BANP: variants seen among roughly 807,000 people sequenced by gnomAD.
BANP encodes BTG3 associated nuclear protein, also known as protein BANP.
In BANP, 11 loss-of-function variants were observed where a neutral mutation model predicts 68.1. The ratio of observed to expected loss-of-function variants is 0.16; its 90% CI spans 0.10 to 0.27. The LOEUF is 0.27. Ranked by LOEUF, BANP falls within the 10% of genes least tolerant of loss-of-function variation. BANP has a pLI of 1.00. For synonymous variants in BANP, 329 were observed against 303.2 expected, an observed-to-expected ratio of 1.09 and a Z score of -0.88; for missense variants, 504 against 722.7, an observed-to-expected ratio of 0.70 and a Z score of 3.47.
chr16:88,040,423 G>T (rs1410321851), intron 11 of BANP, among the ~76,000 whole-genome samples: 1 of 152,076 alleles, frequency 6.6e-6, no homozygotes, highest in Non-Finnish European at 1.5e-5. Context: ...GGGCTAAGAA[G>T]CCCCGAGCAG....
intron 4 of BANP, among the ~76,000 whole-genome samples, chr16:87,999,182 C>T (rs1178587947): frequency 1.2e-5 from 1 of 85,006 alleles, no homozygotes; most frequent in Non-Finnish European, 2.4e-5. Flanking sequence ...ATCTCCATGC[C>T]CGCACGTGCG....
intron 1 of BANP, among the ~76,000 whole-genome samples, chr16:87,961,412 C>CCCCG (rs1567585624): frequency 1.4e-5 from 2 of 142,948 alleles, no homozygotes; most frequent in Non-Finnish European, 3.2e-5. Context: ...AATCTGCACC[C>CCCCG]CCCCGGGCCT....
chr16:87,957,869 T>A lies in BANP; in HGVS notation c.-69+6354T>A, dbSNP rs1446113602. ...GCTCTGTGGGCGCTGGTGGCCAGGA[T>A]GCGGACAACCCCTGCCGCTACGTGT... On this transcript the variant is annotated intron_variant, in intron 1 of 13. Coordinates refer to ENST00000682872, the MANE Select transcript of BANP (RefSeq NM_001386991.1). The surrounding 1 kb of genome is among the most constrained non-coding windows in gnomAD (Gnocchi z 4.3). Among the ~76,000 whole-genome samples the A allele has an allele frequency of 6.6e-6, 1 of 151,794 alleles. No homozygotes were observed. Among genetic ancestry groups the A allele is most frequent in the Admixed American group, 6.6e-5 (1 of 15,222 alleles).
Position 88,072,982 on chromosome 16 carries a change from T to A in BANP, c.1521+770T>A, listed in dbSNP as rs560278025. On this transcript the variant is annotated intron_variant, in intron 13 of 13. Coordinates refer to ENST00000682872, the MANE Select transcript of BANP (RefSeq NM_001386991.1). ...TGTCTTTGGGTCTGTTCCGCTCCTT[T>A]CTGTGGACCCAGCGCTGGTGATCCA... 2.0e-5 allele frequency among the ~76,000 whole-genome samples: 3 copies of A among 152,358 alleles called. No individual in the cohort carries two copies. The East Asian group carries it at 5.8e-4, about 29-fold the overall frequency.
At position 88,018,280 on chromosome 16, in the gene BANP, C is replaced by T; in HGVS notation, c.656-148C>T. On this transcript the variant is annotated intron_variant, in intron 6 of 13. Coordinates refer to ENST00000682872, the MANE Select transcript of BANP (RefSeq NM_001386991.1). This position sits in a 1 kb window ranked among gnomAD's most constrained non-coding sequence, Gnocchi z 7.7. ...GGCAGCAGTCGGAGGCTCCAGCGCT[C>T]TTGGTGACTGCCTCACAAGTTACGA... is the stretch of plus-strand genomic sequence containing the variant. 2 of 1,029,664 alleles carry T rather than the reference C, an allele frequency of 1.9e-6. No homozygotes were observed. Among genetic ancestry groups the T allele is most frequent in the Non-Finnish European group, 2.8e-6 (2 of 708,868 alleles). 63.8% of individuals were successfully genotyped at this position (1,029,664 alleles called of 1,614,324 possible).
At chr16:88,033,441 T>C (rs938939165) in intron 9 of BANP, among the ~76,000 whole-genome samples, 196 bp downstream of exon 9, 8 of 152,142 alleles carry the variant, frequency 5.3e-5, no homozygotes, top group Non-Finnish European at 7.4e-5. Context: ...GGGCGGCTGC[T>C]GCAGAGCCTA....
intron 1 of BANP, among the ~76,000 whole-genome samples, chr16:87,966,335 A>G (rs1277296605): frequency 1.3e-5 from 2 of 152,170 alleles, no homozygotes; most frequent in African/African-American, 4.8e-5. Context: ...CGTCAGAGTA[A>G]GAGGCTTGCT....
At chr16:87,999,221 C>G (rs8046179) in intron 4 of BANP, among the ~76,000 whole-genome samples, 1 of 102,584 alleles carries the variant, frequency 9.7e-6, no homozygotes. Context: ...CTTCCAGACA[C>G]GTCTCCATGC....
rs558939706 is a variant in BANP, at chr16:88,022,319, G to A, written c.895+3652G>A. On this transcript the variant is annotated intron_variant, in intron 7 of 13. Transcript: ENST00000682872. ...TTTCTAAAGAATGCTGTCTAAGGCC[G>A]TGCCACCCTGAACACACCCGATCTC... Among the ~76,000 whole-genome samples the A allele has an allele frequency of 5.3e-5, 8 of 152,272 alleles. 1 individual carries two copies. The South Asian group carries it at 1.5e-3, about 28-fold the overall frequency.
chr16:87,957,232 G>A lies in BANP; in HGVS notation c.-69+5717G>A, dbSNP rs932360131. Among the ~76,000 whole-genome samples, 16 of 152,228 alleles carry A rather than the reference G, an allele frequency of 1.1e-4. No individual in the cohort carries two copies. Among genetic ancestry groups the A allele is most frequent in the African/African-American group, 3.9e-4 (16 of 41,452 alleles). On this transcript the variant is annotated intron_variant, in intron 1 of 13. Coordinates refer to ENST00000682872, the MANE Select transcript of BANP (RefSeq NM_001386991.1). This position sits in a 1 kb window ranked among gnomAD's most constrained non-coding sequence, Gnocchi z 4.3. ...GTCAGTGGTGGTGGAGGATGGCGCG[G>A]TGCTCCATTCGGAACCCACAGGTCG...
chr16:88,067,509 C>T (rs1288926086), intron 12 of BANP, among the ~76,000 whole-genome samples: 2 of 152,146 alleles, frequency 1.3e-5, no homozygotes. Context: ...CCCCACCTCA[C>T]CTGCTGCACT....
intron 12 of BANP, among the ~76,000 whole-genome samples, chr16:88,069,434 C>T (rs922649323): frequency 2.0e-4 from 31 of 152,222 alleles, no homozygotes; most frequent in African/African-American, 7.2e-4. Flanking sequence ...ACGCCCGAGC[C>T]CTCCCCTCAC....
At chr16:88,070,758 G>A (rs964429698) in intron 12 of BANP, among the ~76,000 whole-genome samples, 1 of 152,066 alleles carries the variant, frequency 6.6e-6, no homozygotes, top group South Asian at 2.1e-4. Context: ...ATATTTTTTT[G>A]CATTTTTTTC....
chr16:88,051,687 C>T (rs2083301768), intron 11 of BANP, among the ~76,000 whole-genome samples: 1 of 152,194 alleles, frequency 6.6e-6, no homozygotes, highest in African/African-American at 2.4e-5. Context: ...ACCCACCTGA[C>T]ATAAAAATCC....
At chr16:87,953,268 A>G (rs2057350015) in intron 1 of BANP, among the ~76,000 whole-genome samples, 1 of 152,328 alleles carries the variant, frequency 6.6e-6, no homozygotes, top group Non-Finnish European at 1.5e-5. Flanking sequence ...AAGACTTACA[A>G]TGAAAAGCAA....
intron 13 of BANP, among the ~76,000 whole-genome samples, chr16:88,076,010 C>T (rs932056425): frequency 1.2e-4 from 19 of 152,088 alleles, no homozygotes; most frequent in Admixed American, 1.1e-3. Context: ...CCTCCCAAAG[C>T]CCTGGGATTA....
intron 2 of BANP, among the ~76,000 whole-genome samples, chr16:87,975,947 G>A (rs1165815221): frequency 1.3e-5 from 2 of 148,210 alleles, no homozygotes; most frequent in Non-Finnish European, 3.0e-5. Context: ...CCCTGTGTGT[G>A]GTGTCATGGA....
At position 88,004,586 on chromosome 16, in the gene BANP, C is replaced by T. The variant is rs563891342; in HGVS notation, c.479+175C>T. On this transcript the variant is annotated intron_variant, in intron 5 of 13. Coordinates refer to ENST00000682872, the MANE Select transcript of BANP (RefSeq NM_001386991.1). The surrounding 1 kb of genome is among the most constrained non-coding windows in gnomAD (Gnocchi z 7.0). The stretch of plus-strand genomic sequence containing the variant: ...CTGAGGTCGGGGAGGGCAGGCTGGG[C>T]GATGCTGAATGCTGAGTCCAGCCAC... Among the ~76,000 whole-genome samples, 4 of 152,268 alleles carry T rather than the reference C, an allele frequency of 2.6e-5. No individual in the cohort carries two copies. Among genetic ancestry groups the T allele is most frequent in the Non-Finnish European group, 4.4e-5 (3 of 68,016 alleles).
chr16:88,033,284 C>T (rs370032893), intron 9 of BANP, 39 bp downstream of exon 9: 7 of 1,502,426 alleles, frequency 4.7e-6, no homozygotes, highest in Non-Finnish European at 6.3e-6. Flanking sequence ...GGAAAGGGGG[C>T]TGCGGGGTGG....
Sources: allele counts gnomAD v4.1 joint callset (sites outside exome capture counted in the v4.1 genomes callset), GRCh38; gene constraint gnomAD v4.1.1; non-coding constraint Gnocchi (gnomAD v3.1); transcripts MANE v1.5; gene names NCBI Gene and HGNC (gene_info 2026-07-23, HGNC 2026-07-21).